The following ATP6V1D variants were observed in gnomAD, a reference collection of about 807,000 sequenced individuals.
ATP6V1D encodes V-type proton ATPase subunit D.
ATP6V1D carries 20 observed loss-of-function variants against 39.4 expected under a neutral mutation model. The ratio of observed to expected loss-of-function variants is 0.51; its 90% CI spans 0.36 to 0.74. The LOEUF (loss-of-function observed/expected upper bound fraction) is 0.74, where lower values mean the gene tolerates loss of function less well. Ranked by LOEUF, ATP6V1D falls within the 30% of genes least tolerant of loss-of-function variation. ATP6V1D has a pLI of 0.00. For missense variants in ATP6V1D, 228 were observed against 291.6 expected (o/e 0.78, Z 1.59); for synonymous variants, 100 against 100.5 (o/e 0.99, Z 0.03).
At chr14:67,358,025 T>C (rs901474339) in intron 1 of ATP6V1D, among the ~76,000 whole-genome samples, 3 of 152,198 alleles carry the variant, frequency 2.0e-5, no homozygotes, top group Non-Finnish European at 4.4e-5. Flanking sequence ...GGTCTATCAA[T>C]TAGGTGTTGA....
rs398025487 is a variant in ATP6V1D at position 67,347,516 on chromosome 14, T to TC, written c.308-64dup. The TC allele has an allele frequency of 1.2e-4, 172 of 1,421,902 alleles. 1 individual carries two copies. Among genetic ancestry groups the TC allele is most frequent in the Middle Eastern group, 6.0e-4 (3 of 5,030 alleles). 88.1% of individuals were successfully genotyped at this position (1,421,902 alleles called of 1,614,324 possible). A position where few individuals can be genotyped will look rare whatever the true frequency, so the allele number is the denominator to read the frequency against. ...TTAAGTTCTCTCTTTTTTTTTTTTT[T>TC]CTGAGACGGAGTTTTGCTCTTGTCG... On this transcript the variant is annotated intron_variant, in intron 4 of 8. Transcript: ENST00000216442.
chr14:67,358,780 T>C (rs2085704503), intron 1 of ATP6V1D, among the ~76,000 whole-genome samples: 1 of 152,154 alleles, frequency 6.6e-6, no homozygotes, highest in Non-Finnish European at 1.5e-5. Context: ...TGAGAAAACG[T>C]CAAAATTTTC....
chr14:67,341,243 G>A (rs1317921593), intron 7 of ATP6V1D, among the ~76,000 whole-genome samples: 5 of 151,674 alleles, frequency 3.3e-5, no homozygotes, highest in East Asian at 3.9e-4. Context: ...GTCTCTGCCC[G>A]GCCGCCCATC....
At chr14:67,353,290 T>C (rs1361573125) in intron 1 of ATP6V1D, among the ~76,000 whole-genome samples, 1 of 152,234 alleles carries the variant, frequency 6.6e-6, no homozygotes, top group African/African-American at 2.4e-5. Flanking sequence ...CTGGGTCATC[T>C]GGGATCTGCC....
intron 7 of ATP6V1D, 99 bp downstream of exon 7, chr14:67,343,273 A>G (rs150124913): frequency 0.014 from 12,295 of 856,260 alleles, 122 homozygotes; most frequent in Non-Finnish European, 0.018. Context: ...CATCTTATTC[A>G]TCTTTCAGTC....
chr14:67,344,520 C>A (rs1203662951), intron 6 of ATP6V1D, among the ~76,000 whole-genome samples: 1 of 152,170 alleles, frequency 6.6e-6, no homozygotes, highest in Non-Finnish European at 1.5e-5. Context: ...GTCTTCCATG[C>A]ACAAACGATG....
At position 67,338,563 on chromosome 14, in the gene ATP6V1D, A is replaced by G; in HGVS notation, c.*58T>C. 2 of 1,569,796 alleles carry G rather than the reference A, an allele frequency of 1.3e-6. No homozygotes were observed. Among genetic ancestry groups the G allele is most frequent in the Non-Finnish European group, 8.6e-7 (1 of 1,157,172 alleles). ...ATAGCCACACAAATCAAACCTACACACTGTGAATTAAAATGAAGCCAGTGT... is the reference window on the plus strand; with the variant it reads ...ATAGCCACACAAATCAAACCTACACGCTGTGAATTAAAATGAAGCCAGTGT... On this transcript the variant is annotated 3_prime_UTR_variant, in exon 9 of 9. Transcript: ENST00000216442.
At chr14:67,349,134 C>G in intron 3 of ATP6V1D, 30 bp from the exon 4 acceptor site, 1 of 1,600,532 alleles carries the variant, frequency 6.2e-7, no homozygotes, top group Non-Finnish European at 8.6e-7. Flanking sequence ...CTTTATTTAG[C>G]AGACTCTTCA....
chr14:67,357,502 C>T (rs1346177082), intron 1 of ATP6V1D, among the ~76,000 whole-genome samples: 9 of 152,232 alleles, frequency 5.9e-5, no homozygotes, highest in Non-Finnish European at 1.3e-4. Context: ...GTTTCACCTT[C>T]ATGAGCCTAT....
At chr14:67,347,295 T>C (rs2085625421) in intron 5 of ATP6V1D, 114 bp downstream of exon 5, 1 of 825,882 alleles carries the variant, frequency 1.2e-6, no homozygotes, top group Admixed American at 2.6e-5. Context: ...AATAAGAGGA[T>C]TTCTAACTCA....
In ATP6V1D at chr14:67,349,061, G is replaced by C. The variant is rs766049551; in HGVS notation, c.283C>G (p.Arg95Gly). Residue 95 changes from arginine (R) to glycine (G), a missense_variant, in exon 4 of 9, where the codon CGA (arginine) becomes GGA (glycine). Arg to Gly is a moderately radical substitution (Grantham distance 125). Around this residue, in one of 3 missense-constraint regions of ATP6V1D, gnomAD observed 104 missense variants for 120.2 expected, o/e 0.87. Coordinates refer to ENST00000216442, the MANE Select transcript of ATP6V1D (RefSeq NM_015994.4). The stretch of plus-strand genomic sequence containing the variant: ...CCTGCTACATTATCTTTCTTCGCTC[G>C]AATCTTCACTTGCGCTTTATTGACA... Reference protein sequence around the residue: ...QNVNKAQVKIRAKKDNVAGVT... With the variant: ...QNVNKAQVKIGAKKDNVAGVT... The C allele has an allele frequency of 1.2e-6, 2 of 1,614,014 alleles. No homozygotes were observed. Among genetic ancestry groups the C allele is most frequent in the South Asian group, 2.2e-5 (2 of 91,072 alleles).
At chr14:67,339,333 C>G (rs2085562648) in intron 8 of ATP6V1D, among the ~76,000 whole-genome samples, 2 of 152,046 alleles carry the variant, frequency 1.3e-5, no homozygotes, top group Admixed American at 1.3e-4. Context: ...GAAATCCATT[C>G]TCGAATGGAA....
intron 8 of ATP6V1D, 75 bp from the exon 9 acceptor site, chr14:67,338,837 G>C (rs746258117): frequency 2.9e-6 from 4 of 1,390,258 alleles, no homozygotes; most frequent in Non-Finnish European, 3.9e-6. Flanking sequence ...TTTGAGTTTT[G>C]TAACAAGGAT....
chr14:67,359,676 T>G lies in ATP6V1D; in HGVS notation c.23A>C (p.Glu8Ala), dbSNP rs1291458422. The change falls in exon 1 of 9, where the codon GAA becomes GCA. Residue 8 changes from glutamate (E) to alanine (A), a missense_variant. Glu to Ala is a moderately radical substitution (Grantham distance 107). Around this residue, in one of 3 missense-constraint regions of ATP6V1D, gnomAD observed 104 missense variants for 120.2 expected, o/e 0.87. Transcript: ENST00000216442. ...TACTTACATTCGCGAGGGAAAGATT[T>G]CAATTCGGTCTTTGCCCGACATTCT... MSGKDRI[E>A]IFPSRMAQTI... The G allele has an allele frequency of 6.2e-7, 1 of 1,614,008 alleles. No homozygotes were observed. The highest frequency in any genetic ancestry group is 1.1e-5 in the South Asian group (1 of 91,072).
intron 6 of ATP6V1D, among the ~76,000 whole-genome samples, chr14:67,345,094 T>A (rs1437599802): frequency 6.6e-6 from 1 of 151,322 alleles, no homozygotes; most frequent in Non-Finnish European, 1.5e-5. Flanking sequence ...ATACAAAAAT[T>A]AGCTAGGTGT....
intron 1 of ATP6V1D, 129 bp downstream of exon 1, chr14:67,359,529 G>A: frequency 9.3e-7 from 1 of 1,077,472 alleles, no homozygotes. Flanking sequence ...CTAGACTCAA[G>A]AAAAGAACCT....
chr14:67,358,560 C>T (rs1274623883), intron 1 of ATP6V1D, among the ~76,000 whole-genome samples: 1 of 152,064 alleles, frequency 6.6e-6, no homozygotes, highest in Admixed American at 6.5e-5. Flanking sequence ...GAAAGCCAGG[C>T]GCGGTGGCTC....
chr14:67,346,201 C>A (rs770313068), intron 5 of ATP6V1D, among the ~76,000 whole-genome samples: 1 of 152,218 alleles, frequency 6.6e-6, no homozygotes, highest in Non-Finnish European at 1.5e-5. Context: ...GAACAGGTGA[C>A]TCTCTCTAGA....
chr14:67,340,398 T>C, intron 8 of ATP6V1D, 42 bp downstream of exon 8: 1 of 1,549,172 alleles, frequency 6.5e-7, no homozygotes, highest in East Asian at 2.2e-5. Context: ...CTTTGGAATA[T>C]GGAAAACAAA....
Sources: gnomAD v4.1 joint callset for allele counts (sites outside exome capture counted in the v4.1 genomes callset) on GRCh38, gnomAD v4.1.1 for gene constraint, gnomAD v4.1.1 regional missense constraint, MANE v1.5 for transcripts, NCBI Gene and HGNC (gene_info 2026-07-23, HGNC 2026-07-21) for gene names.